Variants in SOD2 observed in about 807,000 individuals in gnomAD.
SOD2 encodes superoxide dismutase 2, also known as superoxide dismutase [Mn], mitochondrial.
Under a neutral mutation model 27.0 loss-of-function variants are expected in SOD2, and 11 were observed. The observed-to-expected ratio is 0.41, with a 90% confidence interval of 0.26 to 0.67. The LOEUF is 0.67. Ranked by LOEUF, SOD2 falls within the 30% of genes least tolerant of loss-of-function variation. The pLI, the probability that SOD2 is intolerant of heterozygous loss-of-function variation, is 0.34. For synonymous variants in SOD2, 105 were observed against 103.0 expected (o/e 1.02, Z -0.12); for missense variants, 250 against 274.5 (o/e 0.91, Z 0.63).
At chr6:159,757,886 G>T (rs1780047894) in intron 1 of SOD2, among the ~76,000 whole-genome samples, 1 of 152,180 alleles carries the variant, frequency 6.6e-6, no homozygotes, top group Non-Finnish European at 1.5e-5. Flanking sequence ...TGTCCTGTTG[G>T]TGTAATGTAA....
intron 3 of SOD2, 141 bp downstream of exon 3, chr6:159,687,985 T>C: frequency 1.6e-6 from 1 of 623,236 alleles, no homozygotes; most frequent in Admixed American, 2.5e-5. Flanking sequence ...TACTCCAGCC[T>C]GGGCAACAAG....
chr6:159,693,974 A>C (rs369842856), upstream of SOD2, among the ~76,000 whole-genome samples: 1 of 152,144 alleles, frequency 6.6e-6, no homozygotes, highest in African/African-American at 2.4e-5. Flanking sequence ...GCACACATTT[A>C]TCTTTATTTT....
At chr6:159,736,165 T>G (rs1420295226) in intron 1 of SOD2, 1 of 1,220,136 alleles carries the variant, frequency 8.2e-7, no homozygotes. Flanking sequence ...TTTAGTTCAC[T>G]AATAAATTGA....
chr6:159,683,313 G>A (rs182637371), intron 4 of SOD2, among the ~76,000 whole-genome samples: 5 of 152,094 alleles, frequency 3.3e-5, no homozygotes, highest in Admixed American at 6.5e-5. Flanking sequence ...GTGAAACCCC[G>A]CCTCTACTAA....
rs932627543 is a variant in SOD2 at position 159,669,878 on chromosome 6, C to T, written c.*12615G>A. The T allele has an allele frequency of 1.3e-5, 2 of 152,130 alleles. No homozygotes were observed. Among genetic ancestry groups the T allele is most frequent in the Non-Finnish European group, 2.9e-5 (2 of 68,032 alleles). The allele number at this position is 152,130 out of a possible 1,614,324, so 9.4% of individuals were successfully genotyped here. ...TCTTGTAGGCAGCATACAGTCGAGTCATGATGGTGGTTTTTAATCCATTCA... is the reference window on the plus strand; with the variant it reads ...TCTTGTAGGCAGCATACAGTCGAGTTATGATGGTGGTTTTTAATCCATTCA... On this transcript the variant is annotated 3_prime_UTR_variant, in exon 5 of 5. Transcript: ENST00000538183.
chr6:159,676,831 C>T lies in SOD2; in HGVS notation c.*5662G>A, dbSNP rs1006664923. ...GCAAAGGAGCAGGACTAAAACCAGG[C>T]ATCTTGACCAATATCCCACAGGTGC... On this transcript the variant is annotated 3_prime_UTR_variant, in exon 5 of 5. Transcript: ENST00000538183. 6.6e-6 allele frequency: 1 copy of T among 152,154 alleles called. No homozygotes were observed. Among genetic ancestry groups the T allele is most frequent in the East Asian group, 1.9e-4 (1 of 5,202 alleles). The allele number at this position is 152,154 out of a possible 1,614,324, so 9.4% of individuals were successfully genotyped here.
chr6:159,724,559 C>A (rs933095880), intron 1 of SOD2, among the ~76,000 whole-genome samples: 16 of 152,158 alleles, frequency 1.1e-4, no homozygotes, highest in Admixed American at 9.2e-4. Context: ...CACCCCAACA[C>A]AGATGAAAAA....
rs375546811 is a variant in SOD2 at position 159,726,971 on chromosome 6, G to A, written c.-116+158C>T. 2.7e-5 allele frequency: 34 copies of A among 1,282,630 alleles called. No homozygotes were observed. The African/African-American group carries it at 3.8e-4, about 14-fold the overall frequency. The allele number at this position is 1,282,630 out of a possible 1,614,324, so 79.5% of individuals were successfully genotyped here. ...CGGATGAGCGTCACGAACACAGAGC[G>A]GCCAATCACGCGCCGCCTTCGCCCA... On this transcript the variant is annotated intron_variant, in intron 1 of 2. Coordinates refer to the SOD2 transcript ENST00000401980.
At chr6:159,748,940 T>C, upstream of SOD2, 1 of 1,124,168 alleles carries the variant, frequency 8.9e-7, no homozygotes, top group South Asian at 4.4e-5. The surrounding 1 kb of genome is among the most constrained non-coding windows in gnomAD (Gnocchi z 5.6). Context: ...ATGAGGTGAA[T>C]TTTGCCTTTA....
chr6:159,731,309 A>G (rs1445855272), upstream of SOD2, among the ~76,000 whole-genome samples: 1 of 151,870 alleles, frequency 6.6e-6, no homozygotes, highest in African/African-American at 2.4e-5. Context: ...ACCAAGAAAA[A>G]AAAAACAAAT....
At chr6:159,732,699 C>T (rs1289275580) in intron 1 of SOD2, among the ~76,000 whole-genome samples, 8 of 152,072 alleles carry the variant, frequency 5.3e-5, no homozygotes. Flanking sequence ...TGGCAGGCAC[C>T]TGTAATCTCA....
intron 1 of SOD2, among the ~76,000 whole-genome samples, chr6:159,757,454 C>T (rs1780039629): frequency 6.6e-6 from 1 of 151,354 alleles, no homozygotes; most frequent in Non-Finnish European, 1.5e-5. Flanking sequence ...GCTCTGCCAC[C>T]CAGGCTGGAG....
chr6:159,725,871 T>C (rs1778154337), intron 1 of SOD2: 1 of 152,228 alleles, frequency 6.6e-6, no homozygotes, highest in African/African-American at 2.4e-5. Context: ...AAGTGAATAC[T>C]TAATACAACC....
intron 1 of SOD2, among the ~76,000 whole-genome samples, chr6:159,733,926 A>G (rs1276764399): frequency 6.6e-6 from 1 of 152,214 alleles, no homozygotes; most frequent in Non-Finnish European, 1.5e-5. Flanking sequence ...CCAAAAAAAA[A>G]GATTAAACAG....
chr6:159,688,560 G>A (rs1215225102), intron 2 of SOD2, among the ~76,000 whole-genome samples: 1 of 152,126 alleles, frequency 6.6e-6, no homozygotes, highest in Non-Finnish European at 1.5e-5. Context: ...ATGCTAAAAT[G>A]TATGGCTCAA....
At chr6:159,755,790 T>TTTTTTTTTTTTTTC (rs1779991801) in intron 1 of SOD2, 1 of 848,086 alleles carries the variant, frequency 1.2e-6, no homozygotes, top group African/African-American at 1.9e-5. Flanking sequence ...TTTTTTTTTT[T>TTTTTTTTTTTTTTC]GCTTCAATAC....
At chr6:159,723,608 T>C (rs375785048) in intron 1 of SOD2, among the ~76,000 whole-genome samples, 45 of 152,318 alleles carry the variant, frequency 3.0e-4, no homozygotes, top group African/African-American at 8.2e-4. Context: ...AGGGTGCCCA[T>C]GCCTATACAT....
chr6:159,717,969 T>G (rs1179427709), intron 1 of SOD2, among the ~76,000 whole-genome samples: 1 of 151,878 alleles, frequency 6.6e-6, no homozygotes, highest in African/African-American at 2.4e-5. Context: ...ACACAATTTT[T>G]TTTTCTTTTT....
upstream of SOD2, among the ~76,000 whole-genome samples, chr6:159,695,049 A>T (rs1777395989): frequency 6.6e-6 from 1 of 152,108 alleles, no homozygotes; most frequent in Non-Finnish European, 1.5e-5. Flanking sequence ...GGATGAAGGG[A>T]GTGCAGGCTA....
Sources: allele counts gnomAD v4.1 joint callset (sites outside exome capture counted in the v4.1 genomes callset), GRCh38; gene constraint gnomAD v4.1.1; non-coding constraint Gnocchi (gnomAD v3.1); transcripts MANE v1.5; gene names NCBI Gene and HGNC (gene_info 2026-07-23, HGNC 2026-07-21).